PAMR1: variants seen among roughly 807,000 people sequenced by gnomAD.
PAMR1 encodes inactive serine protease PAMR1.
In PAMR1, 88 loss-of-function variants were observed where a neutral mutation model predicts 81.8. The observed-to-expected ratio is 1.08, with a 90% CI of 0.91 to 1.28. PAMR1 has a LOEUF of 1.28. Among genes scored for constraint, PAMR1 ranks in the 50% most tolerant of loss-of-function variants. PAMR1 has a pLI of 0.00. For missense variants in PAMR1, 935 were observed against 919.7 expected, an observed-to-expected ratio of 1.02 and a Z score of -0.21; for synonymous variants, 336 against 345.3, an observed-to-expected ratio of 0.97 and a Z score of 0.30.
chr11:35,528,988 G>C (rs1458495582), upstream of PAMR1: 1 of 152,264 alleles, frequency 6.6e-6, no homozygotes, highest in Non-Finnish European at 1.5e-5. Flanking sequence ...GGCTGGAAGA[G>C]AAAGAGGAGA....
intron 1 of PAMR1, among the ~76,000 whole-genome samples, chr11:35,521,730 A>C (rs2135427705): frequency 6.6e-6 from 1 of 152,310 alleles, no homozygotes; most frequent in Non-Finnish European, 1.5e-5. Context: ...GTCCATCAGC[A>C]TAATCAGTCC....
chr11:35,458,157 T>G (rs762955189), intron 6 of PAMR1, among the ~76,000 whole-genome samples: 3 of 152,214 alleles, frequency 2.0e-5, no homozygotes, highest in Non-Finnish European at 4.4e-5. Flanking sequence ...AACATTTCTA[T>G]AATTTATAAA....
Position 35,474,704 on chromosome 11 carries a change from C to A in PAMR1, c.420G>T (p.Leu140Phe), listed in dbSNP as rs777205189. The A allele has an allele frequency of 6.2e-7, 1 of 1,611,254 alleles. No individual in the cohort carries two copies. Among genetic ancestry groups the A allele is most frequent in the Non-Finnish European group, 8.5e-7 (1 of 1,178,944 alleles). Residue 140 changes from leucine to phenylalanine, a missense_variant, in exon 4 of 11, where the codon TTG (leucine) becomes TTT (phenylalanine). Physicochemically the swap from Leu to Phe is conservative, Grantham distance 22 (BLOSUM62 0). Coordinates refer to ENST00000619888, the MANE Select transcript of PAMR1 (RefSeq NM_001001991.3). ...QVLRAPKGQI[L>F]LESYPLNAHC... ...GAGCATTTAGGGGATAGCTTTCCAA[C>A]AAAATCTGACCCTTTGGGGCTCGCA...
Position 35,470,706 on chromosome 11 carries a change from G to C in PAMR1, c.607C>G (p.Arg203Gly). 1 of 1,614,088 alleles carries C rather than the reference G, an allele frequency of 6.2e-7. No individual in the cohort carries two copies. The highest frequency in any genetic ancestry group is 8.5e-7 in the Non-Finnish European group (1 of 1,179,966). Residue 203 changes from arginine to glycine, a missense_variant, in exon 5 of 11, where the codon CGG becomes GGG. Physicochemically the swap from Arg to Gly is moderately radical, Grantham distance 125 (BLOSUM62 -2). Coordinates refer to ENST00000619888, the MANE Select transcript of PAMR1 (RefSeq NM_001001991.3). ...CCTATGCTCTGGATAGGAGCTGGCC[G>C]CTCGTTGCCACAGACACGCTTGATG... The part of the protein sequence containing the change: ...QIIKRVCGNE[R>G]PAPIQSIGSS...
upstream of PAMR1, chr11:35,529,845 A>C (rs1381053762): frequency 2.0e-5 from 3 of 152,228 alleles, no homozygotes; most frequent in African/African-American, 7.2e-5. Context: ...CAGCATCAGG[A>C]ATAAAAAATT....
chr11:35,438,576 C>T lies in PAMR1; in HGVS notation c.1100+1051G>A, dbSNP rs147384728. On this transcript the variant is annotated intron_variant, in intron 8 of 10. Coordinates refer to ENST00000619888, the MANE Select transcript of PAMR1 (RefSeq NM_001001991.3). The stretch of plus-strand genomic sequence containing the variant: ...TGTTTGTCAATCCAATTCATTCATT[C>T]GATAAATACTTACTGAGTGCCTACT... Among the ~76,000 whole-genome samples the T allele has an allele frequency of 4.9e-4, 75 of 152,296 alleles. 1 individual carries two copies. The East Asian group carries it at 7.0e-3, about 14-fold the overall frequency.
At chr11:35,460,240 A>G (rs1856623521) in intron 6 of PAMR1, among the ~76,000 whole-genome samples, 1 of 152,094 alleles carries the variant, frequency 6.6e-6, no homozygotes, top group African/African-American at 2.4e-5. Flanking sequence ...CTTGGGTCCC[A>G]TAATGTCAGG....
At chr11:35,507,797 C>CT (rs71044525) in intron 1 of PAMR1, among the ~76,000 whole-genome samples, 139,871 of 141,996 alleles carry the variant, frequency 0.99, 68,895 homozygotes, top group East Asian at 0.99. Context: ...CTATTGAAAT[C>CT]TTTTTTTTTT....
At chr11:35,447,210 T>C (rs1271231018) in intron 6 of PAMR1, among the ~76,000 whole-genome samples, 4 of 149,208 alleles carry the variant, frequency 2.7e-5, no homozygotes, top group East Asian at 1.9e-4. Context: ...CCCTTTTTTT[T>C]TTTTTTTTTT....
intron 1 of PAMR1, among the ~76,000 whole-genome samples, chr11:35,504,255 G>C (rs1234024258): frequency 6.6e-6 from 1 of 152,082 alleles, no homozygotes; most frequent in Non-Finnish European, 1.5e-5. Context: ...TCCTTCTAAT[G>C]TGTTGTTGAA....
chr11:35,499,474 T>C (rs112243154), intron 1 of PAMR1, among the ~76,000 whole-genome samples: 1 of 152,202 alleles, frequency 6.6e-6, no homozygotes, highest in South Asian at 2.1e-4. Flanking sequence ...ATAAATAATT[T>C]GCAACTTTTA....
chr11:35,475,072 G>A (rs1850262265), intron 3 of PAMR1, among the ~76,000 whole-genome samples: 1 of 152,152 alleles, frequency 6.6e-6, no homozygotes, highest in Admixed American at 6.5e-5. Flanking sequence ...ACCTAACTGT[G>A]TTTGAATGTA....
chr11:35,527,935 A>G (rs1204142879), upstream of PAMR1, among the ~76,000 whole-genome samples: 1 of 152,138 alleles, frequency 6.6e-6, no homozygotes, highest in Non-Finnish European at 1.5e-5. Context: ...AACTGTCCCC[A>G]TGATTCAACT....
chr11:35,496,792 T>G (rs890584846), intron 1 of PAMR1, among the ~76,000 whole-genome samples: 11 of 152,196 alleles, frequency 7.2e-5, no homozygotes, highest in Non-Finnish European at 1.3e-4. Flanking sequence ...TCAGAGATAC[T>G]TGTATGCCAA....
chr11:35,452,395 T>G (rs115308231), intron 6 of PAMR1, among the ~76,000 whole-genome samples: 3,289 of 152,194 alleles, frequency 0.022, 138 homozygotes, highest in African/African-American at 0.075. Flanking sequence ...AAAATAAATG[T>G]AATTGGCATC....
chr11:35,489,756 G>A (rs1048214396), intron 3 of PAMR1, among the ~76,000 whole-genome samples: 1 of 152,186 alleles, frequency 6.6e-6, no homozygotes, highest in African/African-American at 2.4e-5. Flanking sequence ...CAACTGAAGA[G>A]CAAAGGCATA....
chr11:35,492,217 C>T lies in PAMR1; in HGVS notation c.251-44G>A, dbSNP rs376711451. ...GAGGAGTGTTAGGCCAAAGCACCTGCGAGTTCTGATCAGCTGCATGGGAGC... is the reference window on the plus strand; with the variant it reads ...GAGGAGTGTTAGGCCAAAGCACCTGTGAGTTCTGATCAGCTGCATGGGAGC... On this transcript the variant is annotated intron_variant, in intron 2 of 10. Coordinates refer to ENST00000619888, the MANE Select transcript of PAMR1 (RefSeq NM_001001991.3). The T allele has an allele frequency of 2.2e-4, 352 of 1,608,566 alleles. 1 individual carries two copies. Among genetic ancestry groups the T allele is most frequent in the African/African-American group, 1.2e-3 (87 of 74,850 alleles).
At chr11:35,488,426 G>A (rs1850553050) in intron 3 of PAMR1, among the ~76,000 whole-genome samples, 1 of 151,382 alleles carries the variant, frequency 6.6e-6, no homozygotes, top group African/African-American at 2.4e-5. Context: ...TTGTTTTGTT[G>A]ATCAGTCTGG....
rs1851369588 is a variant in PAMR1, at chr11:35,525,528, A to C, written c.58T>G (p.Ser20Ala). Reference protein sequence around the residue: ...GLTFLQLLLISSLPREYTVIN... With the variant: ...GLTFLQLLLIASLPREYTVIN... ...CTCACAGTACCTCTTGGCAAGGACG[A>C]GATGAGAAGGAGCTGAAGAAAAGTG... is the stretch of plus-strand genomic sequence containing the variant. The change falls in exon 1 of 11, where the codon TCG (serine) becomes GCG (alanine). Residue 20 changes from serine to alanine, a missense_variant. Ser to Ala is a moderately conservative substitution (Grantham distance 99). Transcript: ENST00000619888. 1.9e-6 allele frequency: 3 copies of C among 1,613,854 alleles called. No individual in the cohort carries two copies. The highest frequency in any genetic ancestry group is 1.1e-5 in the South Asian group (1 of 91,034).
Sources: allele counts gnomAD v4.1 joint callset (sites outside exome capture counted in the v4.1 genomes callset), GRCh38; gene constraint gnomAD v4.1.1; transcripts MANE v1.5; gene names NCBI Gene and HGNC (gene_info 2026-07-23, HGNC 2026-07-21).